DOCK6: variants seen among roughly 807,000 people sequenced by gnomAD.
DOCK6 encodes dedicator of cytokinesis 6, also known as dedicator of cytokinesis protein 6.
A neutral mutation model predicts 230.3 loss-of-function variants in DOCK6; 167 were observed. That is an observed-to-expected ratio of 0.73 (90% CI 0.64 to 0.82). The LOEUF (loss-of-function observed/expected upper bound fraction) is 0.82. DOCK6 is among the 40% of genes least tolerant of loss of function. DOCK6 has a pLI of 0.00. For missense variants in DOCK6, 2,598 were observed against 2,825.8 expected (o/e 0.92, Z 1.83); for synonymous variants, 1,148 against 1,185.0 (o/e 0.97, Z 0.64).
chr19:11,228,851 T>C (rs1264495877), intron 23 of DOCK6, 89 bp downstream of exon 23: 3 of 1,310,484 alleles, frequency 2.3e-6, no homozygotes, highest in Non-Finnish European at 3.2e-6. Context: ...TGTGAGCCAC[T>C]ATGCCTGGCC....
At chr19:11,217,571 AC>A (rs1185733466) in intron 28 of DOCK6, among the ~76,000 whole-genome samples, 180 bp from the exon 29 acceptor site, 1 of 152,032 alleles carries the variant, frequency 6.6e-6, no homozygotes, top group Non-Finnish European at 1.5e-5. Flanking sequence ...AGCCTGGCCA[AC>A]GTGGCAAAAT....
chr19:11,255,127 C>T (rs2080178414), intron 1 of DOCK6, among the ~76,000 whole-genome samples: 1 of 151,994 alleles, frequency 6.6e-6, no homozygotes. Flanking sequence ...CCTCCGCCTC[C>T]TGAGTAGCTG....
chr19:11,212,118 A>T lies in DOCK6; in HGVS notation c.4525T>A (p.Ser1509Thr). Residue 1509 changes from serine (S) to threonine (T), a missense_variant, in exon 36 of 48, where the codon TCT becomes ACT. Ser to Thr is a moderately conservative substitution (Grantham distance 58). Coordinates refer to ENST00000294618, the MANE Select transcript of DOCK6 (RefSeq NM_020812.4). ...GTCGTCCCCACCAGGGACGAGAGAGACATGGTGACCTGCATCTTCACACGG... is the reference window on the plus strand; with the variant it reads ...GTCGTCCCCACCAGGGACGAGAGAGTCATGGTGACCTGCATCTTCACACGG... ...FARVKMQVTM[S>T]LSSLVGTTQN... 6.2e-7 allele frequency: 1 copy of T among 1,611,840 alleles called. No homozygotes were observed. Among genetic ancestry groups the T allele is most frequent in the Non-Finnish European group, 8.5e-7 (1 of 1,179,710 alleles).
At position 11,227,490 on chromosome 19, in the gene DOCK6, TGA is replaced by T. The variant is rs1476268291; in HGVS notation, c.2815-15_2815-14del. On this transcript the variant is annotated splice_polypyrimidine_tract_variant and intron_variant, in intron 23 of 47. Transcript: ENST00000294618. ...CCATACTCTTCACCTGGGGGTGGGG[TGA>T]GAGGGCTGTGGGTGGGATTTGAAGG... 2.6e-6 allele frequency: 4 copies of T among 1,551,934 alleles called. No homozygotes were observed. The highest frequency in any genetic ancestry group is 3.5e-6 in the Non-Finnish European group (4 of 1,150,288).
At chr19:11,223,507 C>T (rs2079614828) in intron 24 of DOCK6, among the ~76,000 whole-genome samples, 2 of 152,176 alleles carry the variant, frequency 1.3e-5, no homozygotes. Context: ...GCCAGGCCCA[C>T]ACAGTGATGC....
rs900076571 is a variant in DOCK6 at position 11,202,158 on chromosome 19, G to A, written c.5452-33C>T. ...CAGGGTCAGGTGTGAGGATCCCACA[G>A]CCCCAGCACGCACAGCCCAAGCCCT... On this transcript the variant is annotated intron_variant, in intron 43 of 47. Coordinates refer to ENST00000294618, the MANE Select transcript of DOCK6 (RefSeq NM_020812.4). This position sits in a 1 kb window ranked among gnomAD's most constrained non-coding sequence, Gnocchi z 5.3. 1 of 1,599,994 alleles carries A rather than the reference G, an allele frequency of 6.3e-7. No individual in the cohort carries two copies. Among genetic ancestry groups the A allele is most frequent in the South Asian group, 1.1e-5 (1 of 90,534 alleles).
chr19:11,244,811 C>T (rs968104851), intron 9 of DOCK6, among the ~76,000 whole-genome samples: 5 of 152,154 alleles, frequency 3.3e-5, no homozygotes, highest in Non-Finnish European at 7.3e-5. Flanking sequence ...CAAGGTTGGT[C>T]TCAAACTCCT....
At chr19:11,209,581 CATCCCTTCACTTGTCT>C (rs1216216918) in intron 37 of DOCK6, among the ~76,000 whole-genome samples, 1 of 143,374 alleles carries the variant, frequency 7.0e-6, no homozygotes, top group African/African-American at 2.7e-5. Context: ...CTCACCTGTC[CATCCCTTCACTTGTCT>C]ATCCCCTCAC....
intron 40 of DOCK6, 21 bp from the exon 41 acceptor site, chr19:11,204,116 A>G: frequency 6.5e-7 from 1 of 1,529,914 alleles, no homozygotes. Flanking sequence ...GAGAAGGGTC[A>G]AGGTCAGCAG....
In DOCK6 at chr19:11,200,626, G is replaced by C. The variant is rs1008355280; in HGVS notation, c.5939+90C>G. 8.7e-6 allele frequency: 13 copies of C among 1,492,150 alleles called. No individual in the cohort carries two copies. The African/African-American group carries it at 1.4e-4, about 16-fold the overall frequency. The allele number at this position is 1,492,150 out of a possible 1,614,324, so 92.4% of individuals were successfully genotyped here. On this transcript the variant is annotated intron_variant, in intron 46 of 47. Coordinates refer to ENST00000294618, the MANE Select transcript of DOCK6 (RefSeq NM_020812.4). This position sits in a 1 kb window ranked among gnomAD's most constrained non-coding sequence, Gnocchi z 4.3. ...TGGACTTAATGGGAATCGGGCAGAT[G>C]GGGGAGCCATGCAGAGATCAGATGG...
At chr19:11,259,834 C>G in intron 1 of DOCK6, among the ~76,000 whole-genome samples, 2 of 149,826 alleles carry the variant, frequency 1.3e-5, no homozygotes, top group Middle Eastern at 3.5e-3. Context: ...CCACCTGCCT[C>G]GGCCTCCCAA....
intron 1 of DOCK6, among the ~76,000 whole-genome samples, chr19:11,259,878 G>A (rs1380544066): frequency 5.1e-5 from 2 of 39,028 alleles, no homozygotes; most frequent in Non-Finnish European, 1.2e-4. Flanking sequence ...CGCCGCGCCC[G>A]GCCTTTTTTT....
chr19:11,215,109 A>AT (rs2147758738), intron 32 of DOCK6, among the ~76,000 whole-genome samples: 1 of 152,032 alleles, frequency 6.6e-6, no homozygotes, highest in East Asian at 1.9e-4. Flanking sequence ...CACCTGGCTT[A>AT]TTTTTTATAT....
intron 39 of DOCK6, among the ~76,000 whole-genome samples, chr19:11,207,876 G>A (rs995841527): frequency 2.5e-4 from 38 of 152,076 alleles, no homozygotes; most frequent in Admixed American, 9.8e-4. Context: ...GTTGTAGTGA[G>A]CCATGATCAC....
chr19:11,236,255 G>C lies in DOCK6; in HGVS notation c.2392+91C>G. ...TTCAGATGAGAAAAATGGCCAGAGA[G>C]GTAAATGGGCTTATAGAAGATCCCT... On this transcript the variant is annotated intron_variant, in intron 20 of 47. Transcript: ENST00000294618. The surrounding 1 kb of genome is among the most constrained non-coding windows in gnomAD (Gnocchi z 5.2). 1 of 1,228,876 alleles carries C rather than the reference G, an allele frequency of 8.1e-7. No homozygotes were observed. Among genetic ancestry groups the C allele is most frequent in the Non-Finnish European group, 1.1e-6 (1 of 890,728 alleles). 76.1% of individuals were successfully genotyped at this position (1,228,876 alleles called of 1,614,324 possible). A position where few individuals can be genotyped will look rare whatever the true frequency, so the allele number is the denominator to read the frequency against.
At chr19:11,259,479 G>A (rs945654995) in intron 1 of DOCK6, among the ~76,000 whole-genome samples, 1 of 150,882 alleles carries the variant, frequency 6.6e-6, no homozygotes, top group Non-Finnish European at 1.5e-5. Flanking sequence ...AATTTCAGTG[G>A]TAACTTTGGG....
chr19:11,228,913 C>T (rs1248400462), intron 23 of DOCK6, 27 bp downstream of exon 23: 18 of 1,612,204 alleles, frequency 1.1e-5, no homozygotes, highest in Non-Finnish European at 1.5e-5. Context: ...GGTCTCTTGC[C>T]ACCAGGCAGG....
At chr19:11,224,142 AGTAATTG>A (rs1354827657) in intron 24 of DOCK6, among the ~76,000 whole-genome samples, 1 of 151,924 alleles carries the variant, frequency 6.6e-6, no homozygotes, top group African/African-American at 2.4e-5. Context: ...TTGGTGCAAA[AGTAATTG>A]CAGTTTTGCA....
chr19:11,208,641 C>A (rs2079305066), intron 39 of DOCK6, 45 bp downstream of exon 39: 1 of 1,586,178 alleles, frequency 6.3e-7, no homozygotes, highest in Non-Finnish European at 8.6e-7. Context: ...ATGGCACCTC[C>A]CTGGCCCGAG....
Sources: gnomAD v4.1 joint callset for allele counts (sites outside exome capture counted in the v4.1 genomes callset) on GRCh38, gnomAD v4.1.1 for gene constraint, Gnocchi (gnomAD v3.1) non-coding constraint, MANE v1.5 for transcripts, NCBI Gene and HGNC (gene_info 2026-07-23, HGNC 2026-07-21) for gene names.